The following GRK4 variants were observed in gnomAD, a reference collection of about 807,000 sequenced individuals.
GRK4 encodes the protein G protein-coupled receptor kinase 2-like.
GRK4 carries 73 observed loss-of-function variants against 77.9 expected under a neutral mutation model. That is an observed-to-expected ratio of 0.94 (90% CI 0.78 to 1.14). GRK4 has a LOEUF of 1.14. Ranked by LOEUF, GRK4 falls within the 50% of genes most tolerant of loss-of-function variation. The pLI is 0.00. For synonymous variants in GRK4, 257 were observed against 254.4 expected (o/e 1.01, Z -0.10); for missense variants, 729 against 700.2 (o/e 1.04, Z -0.46).
intron 8 of GRK4, among the ~76,000 whole-genome samples, chr4:3,015,035 G>C (rs1010045694): frequency 1.1e-4 from 17 of 152,110 alleles, no homozygotes; most frequent in African/African-American, 4.1e-4. Context: ...CCCTCAACTA[G>C]CATATCCCAA....
chr4:3,024,717 G>A (rs1176646518), intron 10 of GRK4, among the ~76,000 whole-genome samples: 14 of 151,582 alleles, frequency 9.2e-5, no homozygotes, highest in Non-Finnish European at 1.2e-4. Flanking sequence ...AAAATTAGCC[G>A]GGCGTGGCAG....
intron 10 of GRK4, among the ~76,000 whole-genome samples, chr4:3,024,077 G>T (rs1736769453): frequency 6.6e-6 from 1 of 152,066 alleles, no homozygotes; most frequent in Non-Finnish European, 1.5e-5. Flanking sequence ...TCTTTCCCCA[G>T]TGCTAACTCC....
In GRK4 at chr4:3,037,509, G is replaced by A; in HGVS notation, c.1543G>A (p.Glu515Lys). 3 of 1,603,622 alleles carry A rather than the reference G, an allele frequency of 1.9e-6. No individual in the cohort carries two copies. The highest frequency in any genetic ancestry group is 1.1e-5 in the South Asian group (1 of 90,790). The change falls in exon 14 of 16, where the codon GAG (glutamate) becomes AAG (lysine). Residue 515 changes from glutamate (E) to lysine (K), a missense_variant and splice_region_variant. Transcript: ENST00000398052. The part of the protein sequence containing the change: ...TGCVSIPWQN[E>K]MIESGCFKDI... ...GTGTGTCTCCATCCCCTGGCAGAAT[G>A]AGGTACTGCCCTTCCAGCACAGCCG...
intron 1 of GRK4, 113 bp from the exon 2 acceptor site, chr4:2,984,400 A>T (rs989593982): frequency 2.2e-5 from 12 of 539,548 alleles, no homozygotes; most frequent in African/African-American, 2.1e-4. Flanking sequence ...TTTATTCATG[A>T]TAGGTACCCA....
At chr4:3,015,251 G>A (rs760578261) in intron 8 of GRK4, among the ~76,000 whole-genome samples, 2 of 152,210 alleles carry the variant, frequency 1.3e-5, no homozygotes, top group African/African-American at 2.4e-5. Context: ...AAGGGAGAGT[G>A]TGAACGAGAA....
intron 4 of GRK4, among the ~76,000 whole-genome samples, chr4:3,001,586 C>T (rs568304278): frequency 4.5e-4 from 69 of 152,022 alleles, no homozygotes; most frequent in African/African-American, 1.4e-3. Context: ...AGGCTGGTCT[C>T]GAACTCCTGA....
At chr4:2,971,376 GC>G (rs1264861588) in intron 1 of GRK4, among the ~76,000 whole-genome samples, 1 of 152,060 alleles carries the variant, frequency 6.6e-6, no homozygotes, top group African/African-American at 2.4e-5. Context: ...TGCTTCATTG[GC>G]CAGAGGACTG....
At chr4:2,966,775 A>G (rs1179942965) in intron 1 of GRK4, 1 of 152,212 alleles carries the variant, frequency 6.6e-6, no homozygotes, top group South Asian at 2.1e-4. Flanking sequence ...TTTGAAATGA[A>G]TGAACGTAGC....
rs550525765 is a variant in GRK4 at position 3,011,869 on chromosome 4, T to G, written c.601-1819T>G. On this transcript the variant is annotated intron_variant, in intron 7 of 15. Transcript: ENST00000398052. ...TGAGTGAGCACAATGGTAAAGGAAT[T>G]GAGTAGACATCTCTGCTGTCATGGT... Among the ~76,000 whole-genome samples the G allele has an allele frequency of 1.8e-4, 28 of 152,300 alleles. No homozygotes were observed. In the South Asian group the frequency reaches 5.8e-3, roughly 32 times the overall value.
At chr4:3,033,460 C>G (rs559572878) in intron 12 of GRK4, among the ~76,000 whole-genome samples, 2 of 152,316 alleles carry the variant, frequency 1.3e-5, no homozygotes, top group African/African-American at 4.8e-5. Context: ...TTCAGAGCAT[C>G]CTGGCCCTCG....
In GRK4 at chr4:2,991,764, G is replaced by A. The variant is rs142998150; in HGVS notation, c.262-451G>A. 7.2e-5 allele frequency among the ~76,000 whole-genome samples: 11 copies of A among 152,128 alleles called. No individual in the cohort carries two copies. The East Asian group carries it at 1.7e-3, about 24-fold the overall frequency. On this transcript the variant is annotated intron_variant, in intron 3 of 15. Coordinates refer to ENST00000398052, the MANE Select transcript of GRK4 (RefSeq NM_182982.3). The stretch of plus-strand genomic sequence containing the variant: ...CAGCCTCAGATGATCTGCCTGCCTC[G>A]GCCTCCCAAAGTGCTGTGGTTACAG...
chr4:3,038,447 C>T lies in GRK4; in HGVS notation c.1617C>T (p.Asp539=). 1 of 1,613,862 alleles carries T rather than the reference C, an allele frequency of 6.2e-7. No individual in the cohort carries two copies. Among genetic ancestry groups the T allele is most frequent in the Non-Finnish European group, 8.5e-7 (1 of 1,179,972 alleles). ...ESEEALPLDL[D]KNIHTPVSRP... is the part of the protein sequence containing the mutation. The stretch of plus-strand genomic sequence containing the variant: ...AGGAAGCTTTGCCATTAGATCTAGA[C>T]AAGAACATACATACCCCGGTTTCCA... The change falls in exon 15 of 16, where the codon GAC becomes GAT. Residue 539 remains aspartate, a synonymous_variant. Coordinates refer to ENST00000398052, the MANE Select transcript of GRK4 (RefSeq NM_182982.3).
intron 1 of GRK4, among the ~76,000 whole-genome samples, chr4:2,968,963 A>G (rs993979347): frequency 6.6e-6 from 1 of 152,154 alleles, no homozygotes; most frequent in African/African-American, 2.4e-5. Flanking sequence ...AGGGGGAACC[A>G]GGCAGCTGGA....
chr4:2,979,607 G>A (rs1722270354), intron 1 of GRK4, among the ~76,000 whole-genome samples: 1 of 152,210 alleles, frequency 6.6e-6, no homozygotes, highest in Non-Finnish European at 1.5e-5. Flanking sequence ...CAGCTACTCA[G>A]GAGGCTGAGC....
intron 1 of GRK4, among the ~76,000 whole-genome samples, chr4:2,980,461 C>A (rs1437965434): frequency 6.6e-6 from 1 of 151,736 alleles, no homozygotes; most frequent in Non-Finnish European, 1.5e-5. Context: ...GGGCCTGGTA[C>A]CTTTCTATAC....
chr4:3,018,922 T>C (rs1352676853), intron 8 of GRK4, among the ~76,000 whole-genome samples: 4 of 152,124 alleles, frequency 2.6e-5, no homozygotes, highest in Admixed American at 6.5e-5. Flanking sequence ...GGGGAGACCA[T>C]GTTCCCAGAT....
At chr4:2,978,850 T>C (rs1721959096) in intron 1 of GRK4, among the ~76,000 whole-genome samples, 1 of 151,988 alleles carries the variant, frequency 6.6e-6, no homozygotes, top group East Asian at 1.9e-4. Flanking sequence ...CCCAGCACTT[T>C]GGGAGGCCGA....
At chr4:3,029,521 C>T in intron 12 of GRK4, 112 bp downstream of exon 12, 1 of 837,900 alleles carries the variant, frequency 1.2e-6, no homozygotes, top group Non-Finnish European at 1.9e-6. Context: ...AAGTCCTGGT[C>T]ACCCACCTCC....
intron 7 of GRK4, among the ~76,000 whole-genome samples, chr4:3,010,167 T>A (rs1323020198): frequency 6.6e-6 from 1 of 152,168 alleles, no homozygotes; most frequent in Non-Finnish European, 1.5e-5. Flanking sequence ...ATGTGTCAAT[T>A]TGGGAAAATC....
Sources: allele counts gnomAD v4.1 joint callset (sites outside exome capture counted in the v4.1 genomes callset), GRCh38; gene constraint gnomAD v4.1.1; transcripts MANE v1.5; gene names NCBI Gene and HGNC (gene_info 2026-07-23, HGNC 2026-07-21).